Variants in SNPH observed in about 807,000 individuals in gnomAD.
SNPH encodes syntaphilin.
A neutral mutation model predicts 36.8 loss-of-function variants in SNPH; 10 were observed. That is an observed-to-expected ratio of 0.27 (90% CI 0.17 to 0.46). SNPH has a LOEUF of 0.46. SNPH is among the 20% of genes least tolerant of loss of function. The probability of loss-of-function intolerance (pLI) is 1.00; values close to 1 mark genes in which losing one functional copy is unlikely to be tolerated. For missense variants in SNPH, 622 were observed against 744.0 expected (o/e 0.84, Z 1.91); for synonymous variants, 281 against 312.2 (o/e 0.90, Z 1.05).
chr20:1,277,128 A>G (rs2088141447), intron 2 of SNPH, among the ~76,000 whole-genome samples: 1 of 152,200 alleles, frequency 6.6e-6, no homozygotes, highest in African/African-American at 2.4e-5. Context: ...CGAAATGTTT[A>G]GGTTGAATTT....
chr20:1,286,699 CCAGGAGAGCAAGA>C (rs1292261548), intron 2 of SNPH, among the ~76,000 whole-genome samples: 2 of 152,094 alleles, frequency 1.3e-5, no homozygotes, highest in Non-Finnish European at 2.9e-5. Flanking sequence ...TCATGAAATG[CCAGGAGAGCAAGA>C]GAGAGTGTGT....
chr20:1,271,543 T>C (rs917316489), intron 2 of SNPH, among the ~76,000 whole-genome samples: 1 of 152,146 alleles, frequency 6.6e-6, no homozygotes. Context: ...GGTTTCACCA[T>C]GTTAGCCAGG....
rs2088400339 is a variant in SNPH at position 1,294,302 on chromosome 20, C to A, written c.-492-649C>A. Among the ~76,000 whole-genome samples the A allele has an allele frequency of 6.6e-6, 1 of 152,190 alleles. No individual in the cohort carries two copies. The highest frequency in any genetic ancestry group is 2.4e-5 in the African/African-American group (1 of 41,452). Reference sequence around the variant, plus strand: ...AAGGATTCAGGCAATGGCAGGTGATCCTTGGAGCCCTTGCCCATGTGCCCC... The same window carrying A: ...AAGGATTCAGGCAATGGCAGGTGATACTTGGAGCCCTTGCCCATGTGCCCC... On this transcript the variant is annotated intron_variant, in intron 2 of 6. Coordinates refer to ENST00000381867, the MANE Select transcript of SNPH (RefSeq NM_001318234.2). This position sits in a 1 kb window ranked among gnomAD's most constrained non-coding sequence, Gnocchi z 4.4.
At position 1,304,971 on chromosome 20, in the gene SNPH, C is replaced by T. The variant is rs2088548039; in HGVS notation, c.534C>T (p.Ala178=). 1.2e-6 allele frequency: 2 copies of T among 1,613,766 alleles called. No homozygotes were observed. Among genetic ancestry groups the T allele is most frequent in the African/African-American group, 1.3e-5 (1 of 74,900 alleles). ...GCCACCGCGTGGAGGCCCAGCTGGC[C>T]CTGAAGGAGGCCCGAAAGGAGATCA... is the stretch of plus-strand genomic sequence containing the variant. The part of the protein sequence containing the change: ...EECHRVEAQL[A]LKEARKEIKQ... Residue 178 remains alanine, a synonymous_variant, in exon 7 of 7, where the codon GCC becomes GCT. Coordinates refer to ENST00000381867, the MANE Select transcript of SNPH (RefSeq NM_001318234.2). This position sits in a 1 kb window ranked among gnomAD's most constrained non-coding sequence, Gnocchi z 4.3.
intron 2 of SNPH, among the ~76,000 whole-genome samples, chr20:1,279,581 C>T (rs1377798359): frequency 6.7e-6 from 1 of 148,878 alleles, no homozygotes; most frequent in African/African-American, 2.5e-5. Flanking sequence ...GAGAGAGACA[C>T]TGATAGAAAG....
chr20:1,279,006 T>C (rs1229596114), intron 2 of SNPH, among the ~76,000 whole-genome samples: 16 of 152,254 alleles, frequency 1.1e-4, no homozygotes, highest in Admixed American at 1.0e-3. Flanking sequence ...TTTTGGCTAT[T>C]ACAAGTAAAG....
At chr20:1,296,787 A>G (rs1378724687) in intron 4 of SNPH, among the ~76,000 whole-genome samples, 2 of 151,766 alleles carry the variant, frequency 1.3e-5, no homozygotes, top group Admixed American at 1.3e-4. Flanking sequence ...TGTCTGCCCC[A>G]TTCTTCTCCA....
At chr20:1,277,543 CTG>C (rs1305258568) in intron 2 of SNPH, among the ~76,000 whole-genome samples, 3 of 81,160 alleles carry the variant, frequency 3.7e-5, no homozygotes, top group Non-Finnish European at 5.1e-5. Context: ...GCATGTGTGT[CTG>C]TGTGTGTATC....
At position 1,266,333 on chromosome 20, in the gene SNPH, C is replaced by T; in HGVS notation, c.-664C>T. 4.4e-6 allele frequency: 1 copy of T among 224,804 alleles called. No individual in the cohort carries two copies. The highest frequency in any genetic ancestry group is 8.6e-6 in the Non-Finnish European group (1 of 116,282). 13.9% of individuals were successfully genotyped at this position (224,804 alleles called of 1,614,324 possible). A position where few individuals can be genotyped will look rare whatever the true frequency, so the allele number is the denominator to read the frequency against. On this transcript the variant is annotated 5_prime_UTR_variant, in exon 1 of 7. Transcript: ENST00000381867. The surrounding 1 kb of genome is among the most constrained non-coding windows in gnomAD (Gnocchi z 6.0). ...CGAGCACCCAGCTAGCCGCCTCCTGCAGGGGCTCGGGAGAGCAATTCGGCG... is the reference window on the plus strand; with the variant it reads ...CGAGCACCCAGCTAGCCGCCTCCTGTAGGGGCTCGGGAGAGCAATTCGGCG...
intron 6 of SNPH, among the ~76,000 whole-genome samples, chr20:1,303,885 G>C (rs2088534760): frequency 6.6e-6 from 1 of 152,138 alleles, no homozygotes; most frequent in Non-Finnish European, 1.5e-5. Context: ...ACTAGGAAGT[G>C]AGCGAAAATG....
In SNPH at chr20:1,266,716, G is replaced by A. The variant is rs2042477950; in HGVS notation, c.-537G>A. 1 of 1,420,812 alleles carries A rather than the reference G, an allele frequency of 7.0e-7. No individual in the cohort carries two copies. The highest frequency in any genetic ancestry group is 3.5e-5 in the Admixed American group (1 of 28,506). The allele number at this position is 1,420,812 out of a possible 1,614,324, so 88.0% of individuals were successfully genotyped here. A position where few individuals can be genotyped will look rare whatever the true frequency, so the allele number is the denominator to read the frequency against. ...CAGAGGCGCTGCGCCAAGCCGGGCCGGAGTGGTGCGAGCCGGCGGGGCTGC... is the reference window on the plus strand; with the variant it reads ...CAGAGGCGCTGCGCCAAGCCGGGCCAGAGTGGTGCGAGCCGGCGGGGCTGC... On this transcript the variant is annotated 5_prime_UTR_variant, in exon 2 of 7. Transcript: ENST00000381867. This position sits in a 1 kb window ranked among gnomAD's most constrained non-coding sequence, Gnocchi z 6.0.
At position 1,295,818 on chromosome 20, in the gene SNPH, C is replaced by T. The variant is rs1250724309; in HGVS notation, c.-422C>T. The T allele has an allele frequency of 1.2e-5, 2 of 171,686 alleles. No homozygotes were observed. The highest frequency in any genetic ancestry group is 2.4e-5 in the Non-Finnish European group (2 of 81,700). The allele number at this position is 171,686 out of a possible 1,614,324, so 10.6% of individuals were successfully genotyped here. ...ACGGGCCAACTGGGAAGTTGATGGTCGGCGAGACCAGCCCATCCTAATTTG... is the reference window on the plus strand; with the variant it reads ...ACGGGCCAACTGGGAAGTTGATGGTTGGCGAGACCAGCCCATCCTAATTTG... On this transcript the variant is annotated 5_prime_UTR_variant, in exon 4 of 7. Transcript: ENST00000381867.
At chr20:1,296,472 C>A in intron 4 of SNPH, 51 bp downstream of exon 4, 1 of 1,492,720 alleles carries the variant, frequency 6.7e-7, no homozygotes, top group Non-Finnish European at 9.1e-7. Context: ...GGGAGGAGGG[C>A]GCACGGGCCT....
chr20:1,279,618 C>CCTTTTT (rs2088192235), intron 2 of SNPH, among the ~76,000 whole-genome samples: 1 of 123,088 alleles, frequency 8.1e-6, no homozygotes. Flanking sequence ...ACTCCGGCTT[C>CCTTTTT]TTTTTTTTTT....
rs13163 is a variant in SNPH at position 1,308,941 on chromosome 20, A to G, written c.*2887A>G. ...ACGCTGGGGCCCGGGCTCTGCACAGAGAGCTGGGCTTGAGTGGAGTTTATT... is the reference window on the plus strand; with the variant it reads ...ACGCTGGGGCCCGGGCTCTGCACAGGGAGCTGGGCTTGAGTGGAGTTTATT... On this transcript the variant is annotated 3_prime_UTR_variant, in exon 7 of 7. Coordinates refer to ENST00000381867, the MANE Select transcript of SNPH (RefSeq NM_001318234.2). 5,832 of 152,398 alleles carry G rather than the reference A, an allele frequency of 0.038. 159 individuals carry two copies. Among genetic ancestry groups the G allele is most frequent in the Middle Eastern group, 0.12 (34 of 294 alleles). 9.4% of individuals were successfully genotyped at this position (152,398 alleles called of 1,614,324 possible).
rs117057553 is a variant in SNPH, at chr20:1,294,888, T to G, written c.-492-63T>G. The G allele has an allele frequency of 6.6e-5, 10 of 152,492 alleles. No homozygotes were observed. The East Asian group carries it at 1.9e-3, about 30-fold the overall frequency. The allele number at this position is 152,492 out of a possible 1,614,324, so 9.4% of individuals were successfully genotyped here. ...CTGGGATGTGACTTGGCCAAGTCCC[T>G]TCCCTCTCGGTGGCTCGATTCCTCA... On this transcript the variant is annotated intron_variant, in intron 2 of 6. Coordinates refer to ENST00000381867, the MANE Select transcript of SNPH (RefSeq NM_001318234.2). This position sits in a 1 kb window ranked among gnomAD's most constrained non-coding sequence, Gnocchi z 4.4.
Position 1,288,939 on chromosome 20 carries a change from C to T in SNPH, c.-492-6012C>T, listed in dbSNP as rs113768854. ...GTCTGGCCAAGAATTTCTTTTTAAA[C>T]GACTCTCTGTAGTATGCTTACCTCT... On this transcript the variant is annotated intron_variant, in intron 2 of 6. Coordinates refer to ENST00000381867, the MANE Select transcript of SNPH (RefSeq NM_001318234.2). 8.0e-3 allele frequency among the ~76,000 whole-genome samples: 1,224 copies of T among 152,150 alleles called. 20 individuals are homozygous for T. Among genetic ancestry groups the T allele is most frequent in the African/African-American group, 0.028 (1,145 of 41,494 alleles).
intron 2 of SNPH, among the ~76,000 whole-genome samples, chr20:1,292,873 C>T (rs1223083525): frequency 2.6e-5 from 4 of 152,176 alleles, no homozygotes; most frequent in Non-Finnish European, 5.9e-5. Context: ...GTGCAAATTT[C>T]TTGTGTAGAG....
chr20:1,286,486 T>C (rs6078462), intron 2 of SNPH, among the ~76,000 whole-genome samples: 23,771 of 151,992 alleles, frequency 0.16, 1,868 homozygotes, highest in Middle Eastern at 0.26. Flanking sequence ...ACAGGCACAG[T>C]TGGGTGCGCT....
Sources: allele counts gnomAD v4.1 joint callset (sites outside exome capture counted in the v4.1 genomes callset), GRCh38; gene constraint gnomAD v4.1.1; non-coding constraint Gnocchi (gnomAD v3.1); transcripts MANE v1.5; gene names NCBI Gene and HGNC (gene_info 2026-07-23, HGNC 2026-07-21).